Variants in CAMKK1 observed in about 807,000 individuals in gnomAD.
CAMKK1 encodes the protein calcium/calmodulin-dependent protein kinase kinase 1.
A neutral mutation model predicts 63.5 loss-of-function variants in CAMKK1; 20 were observed. The observed-to-expected ratio is 0.32, with a 90% CI of 0.22 to 0.46. The LOEUF is 0.46. Among genes scored for constraint, CAMKK1 ranks in the 20% least tolerant of loss-of-function variants. CAMKK1 has a pLI of 1.00. For missense variants in CAMKK1, 588 were observed against 658.1 expected, an observed-to-expected ratio of 0.89 and a Z score of 1.17; for synonymous variants, 253 against 269.0, an observed-to-expected ratio of 0.94 and a Z score of 0.58.
rs147776435 is a variant in CAMKK1, at chr17:3,862,623, G to C, written c.1446-340C>G. 9.5e-4 allele frequency among the ~76,000 whole-genome samples: 145 copies of C among 152,226 alleles called. No individual in the cohort carries two copies. Among genetic ancestry groups the C allele is most frequent in the African/African-American group, 3.2e-3 (133 of 41,526 alleles). On this transcript the variant is annotated intron_variant, in intron 15 of 15. Coordinates refer to ENST00000348335, the MANE Select transcript of CAMKK1 (RefSeq NM_032294.3). This position sits in a 1 kb window ranked among gnomAD's most constrained non-coding sequence, Gnocchi z 4.1. Reference sequence around the variant, plus strand: ...CAGCCTAATCAAGGGCCTTCTCTCTGTGTGTGTGGTTTTGTTGTTGTTTTG... The same window carrying C: ...CAGCCTAATCAAGGGCCTTCTCTCTCTGTGTGTGGTTTTGTTGTTGTTTTG...
At chr17:3,888,612 A>G (rs1009276459) in intron 1 of CAMKK1, among the ~76,000 whole-genome samples, 3 of 152,216 alleles carry the variant, frequency 2.0e-5, no homozygotes, top group African/African-American at 7.2e-5. Context: ...GGAGGCCGTA[A>G]AAGTGAGTTG....
At chr17:3,873,535 C>A in intron 10 of CAMKK1, 73 bp from the exon 11 acceptor site, 1 of 1,426,376 alleles carries the variant, frequency 7.0e-7, no homozygotes, top group African/African-American at 1.4e-5. Context: ...CAGCGGGCTG[C>A]AGGAGAGGCC....
chr17:3,878,414 G>T (rs1467586682), intron 9 of CAMKK1, among the ~76,000 whole-genome samples: 1 of 152,184 alleles, frequency 6.6e-6, no homozygotes, highest in Admixed American at 6.5e-5. Context: ...GTTTCTTTGT[G>T]GAGGCTAGGG....
intron 14 of CAMKK1, among the ~76,000 whole-genome samples, chr17:3,866,472 G>T (rs1294071307): frequency 6.6e-6 from 1 of 152,254 alleles, no homozygotes; most frequent in East Asian, 1.9e-4. Flanking sequence ...GCCAGGAGGG[G>T]AACAGCTGCC....
chr17:3,885,680 C>T lies in CAMKK1; in HGVS notation c.8G>A (p.Gly3Glu). 3 of 1,612,802 alleles carry T rather than the reference C, an allele frequency of 1.9e-6. No homozygotes were observed. The highest frequency in any genetic ancestry group is 2.5e-6 in the Non-Finnish European group (3 of 1,180,000). Residue 3 changes from glycine to glutamate, a missense_variant, in exon 2 of 16, where the codon GGG (glycine) becomes GAG (glutamate). Coordinates refer to ENST00000348335, the MANE Select transcript of CAMKK1 (RefSeq NM_032294.3). ...ATCCTGGCAGCAGACAGCTGGACCC[C>T]CCTCCATTGCTTCAGTCAAGGGGGT... The part of the protein sequence containing the change: ME[G>E]GPAVCCQDPR...
chr17:3,870,328 G>C (rs1017078648), intron 12 of CAMKK1, among the ~76,000 whole-genome samples: 1 of 151,902 alleles, frequency 6.6e-6, no homozygotes, highest in Non-Finnish European at 1.5e-5. Context: ...AGCCCCCTCA[G>C]CGCCACATCA....
chr17:3,887,084 G>A lies in CAMKK1; in HGVS notation c.-43-1354C>T, dbSNP rs890043802. ...TCCCCTTGCTTTGACAGATGTCAGC[G>A]AGGCAGGGCTGGCTGGAGTCCACCG... On this transcript the variant is annotated intron_variant, in intron 1 of 15. Transcript: ENST00000348335. The surrounding 1 kb of genome is among the most constrained non-coding windows in gnomAD (Gnocchi z 6.1). Among the ~76,000 whole-genome samples, 3 of 152,104 alleles carry A rather than the reference G, an allele frequency of 2.0e-5. No individual in the cohort carries two copies. Among genetic ancestry groups the A allele is most frequent in the Non-Finnish European group, 4.4e-5 (3 of 68,014 alleles).
At chr17:3,877,285 C>T (rs899846872) in intron 9 of CAMKK1, among the ~76,000 whole-genome samples, 1 of 152,144 alleles carries the variant, frequency 6.6e-6, no homozygotes, top group African/African-American at 2.4e-5. Context: ...ATGGATGGCA[C>T]CCCAGGCCTT....
rs73322942 is a variant in CAMKK1 at position 3,890,824 on chromosome 17, C to T, written c.-44+2115G>A. On this transcript the variant is annotated intron_variant, in intron 1 of 15. Transcript: ENST00000348335. The surrounding 1 kb of genome is among the most constrained non-coding windows in gnomAD (Gnocchi z 6.5). ...GCTGCCTGGAGGACAGCTCAGACAT[C>T]GCCTCTTCTGAGCCCTCCTTGATCT... 9,545 of 777,006 alleles carry T rather than the reference C, an allele frequency of 0.012. 601 individuals carry two copies. The African/African-American group carries it at 0.14, about 11-fold the overall frequency. The allele number at this position is 777,006 out of a possible 1,614,324, so 48.1% of individuals were successfully genotyped here. A position where few individuals can be genotyped will look rare whatever the true frequency, so the allele number is the denominator to read the frequency against.
At chr17:3,881,683 G>A (rs1211709569) in intron 7 of CAMKK1, 35 bp from the exon 8 acceptor site, 7 of 1,556,700 alleles carry the variant, frequency 4.5e-6, no homozygotes, top group Non-Finnish European at 6.1e-6. Context: ...GGTGTAGCTG[G>A]CTGGCAAAGC....
At chr17:3,865,370 A>G in intron 15 of CAMKK1, 2 of 988,472 alleles carry the variant, frequency 2.0e-6, no homozygotes, top group Non-Finnish European at 1.2e-6. Flanking sequence ...AGCACTCACA[A>G]AGTGCTGACT....
At chr17:3,891,112 G>A (rs978030275) in intron 1 of CAMKK1, among the ~76,000 whole-genome samples, 4 of 151,458 alleles carry the variant, frequency 2.6e-5, no homozygotes, top group East Asian at 1.9e-4. Context: ...GCAAGGTTGG[G>A]GGGGGGGTCA....
chr17:3,862,079 G>A lies in CAMKK1; in HGVS notation c.*132C>T, dbSNP rs549231531. On this transcript the variant is annotated 3_prime_UTR_variant, in exon 16 of 16. Coordinates refer to ENST00000348335, the MANE Select transcript of CAMKK1 (RefSeq NM_032294.3). The surrounding 1 kb of genome is among the most constrained non-coding windows in gnomAD (Gnocchi z 4.1). ...TGCGTGCGTGGAGGTCATGCAGCAC[G>A]ATGGGGGAGGGGCGGGAGTGGGGCT... The A allele has an allele frequency of 1.6e-5, 11 of 684,530 alleles. No homozygotes were observed. The highest frequency in any genetic ancestry group is 1.0e-4 in the South Asian group (6 of 59,154). The allele number at this position is 684,530 out of a possible 1,614,324, so 42.4% of individuals were successfully genotyped here. A position where few individuals can be genotyped will look rare whatever the true frequency, so the allele number is the denominator to read the frequency against.
chr17:3,868,973 CT>C (rs146125805), intron 14 of CAMKK1, among the ~76,000 whole-genome samples: 1,726 of 124,946 alleles, frequency 0.014, 12 homozygotes, highest in African/African-American at 0.027. Flanking sequence ...TTCTTTTCTT[CT>C]TTTTTTTTTT....
chr17:3,888,628 G>T (rs1273025885), intron 1 of CAMKK1, among the ~76,000 whole-genome samples: 1 of 152,250 alleles, frequency 6.6e-6, no homozygotes, highest in Non-Finnish European at 1.5e-5. Context: ...AGTTGTTGTT[G>T]TGCGGCTGCT....
rs754285264 is a variant in CAMKK1 at position 3,882,389 on chromosome 17, G to C, written c.685+139C>G. ...TGCAGGGCTGGGCAAGGGAATCCAG[G>C]GCTTCAGAACGTGTGTTTTTCTTCT... On this transcript the variant is annotated intron_variant, in intron 7 of 15. Transcript: ENST00000348335. The surrounding 1 kb of genome is among the most constrained non-coding windows in gnomAD (Gnocchi z 4.3). 3 of 1,602,340 alleles carry C rather than the reference G, an allele frequency of 1.9e-6. No homozygotes were observed. Among genetic ancestry groups the C allele is most frequent in the Non-Finnish European group, 2.6e-6 (3 of 1,169,404 alleles).
At chr17:3,877,486 A>AC (rs2143848723) in intron 9 of CAMKK1, among the ~76,000 whole-genome samples, 1 of 151,990 alleles carries the variant, frequency 6.6e-6, no homozygotes, top group African/African-American at 2.4e-5. Flanking sequence ...GACCCCACTG[A>AC]CCCCATCCCG....
chr17:3,863,495 T>C (rs571200335), intron 15 of CAMKK1, among the ~76,000 whole-genome samples: 20 of 151,966 alleles, frequency 1.3e-4, no homozygotes, highest in Non-Finnish European at 2.1e-4. Flanking sequence ...TGAAACTCCA[T>C]CTCAAAACAA....
intron 9 of CAMKK1, chr17:3,880,113 C>T: frequency 1.8e-6 from 1 of 560,404 alleles, no homozygotes. Context: ...GACTCAGACC[C>T]ACAGGACCAG....
Sources: gnomAD v4.1 joint callset for allele counts (sites outside exome capture counted in the v4.1 genomes callset) on GRCh38, gnomAD v4.1.1 for gene constraint, Gnocchi (gnomAD v3.1) non-coding constraint, MANE v1.5 for transcripts, NCBI Gene and HGNC (gene_info 2026-07-23, HGNC 2026-07-21) for gene names.